TMCC1: variants seen among roughly 807,000 people sequenced by gnomAD.
TMCC1 encodes transmembrane and coiled-coil domains protein 1.
TMCC1 carries 15 observed loss-of-function variants against 52.4 expected under a neutral mutation model. The ratio of observed to expected loss-of-function variants is 0.29; its 90% CI spans 0.19 to 0.44. The LOEUF is 0.44. Among genes scored for constraint, TMCC1 ranks in the 20% least tolerant of loss-of-function variants. The pLI, the probability that TMCC1 is intolerant of heterozygous loss-of-function variation, is 1.00. For synonymous variants in TMCC1, 279 were observed against 301.9 expected (o/e 0.92, Z 0.79); for missense variants, 503 against 806.0 (o/e 0.62, Z 4.55).
In TMCC1 at chr3:129,671,115, C is replaced by T. The variant is rs1190221619; in HGVS notation, c.726G>A (p.Leu242=). ...AAIAHLQQKI[L]KLTEQIKIAQ... Reference sequence around the variant, plus strand: ...CAATCTTGATTTGTTCTGTGAGCTTCAGGATCTTCTGCTGCAGGTGAGCAA... The same window carrying T: ...CAATCTTGATTTGTTCTGTGAGCTTTAGGATCTTCTGCTGCAGGTGAGCAA... Residue 242 remains leucine (L), a synonymous_variant, in exon 5 of 7, where the codon CTG becomes CTA. Transcript: ENST00000393238. The T allele has an allele frequency of 1.9e-6, 3 of 1,614,158 alleles. No homozygotes were observed. The highest frequency in any genetic ancestry group is 1.1e-5 in the South Asian group (1 of 91,080).
At chr3:129,700,082 A>G (rs910830540) in intron 4 of TMCC1, among the ~76,000 whole-genome samples, 1 of 152,158 alleles carries the variant, frequency 6.6e-6, no homozygotes. Context: ...ATTTCATTGG[A>G]ATCTAATTTA....
chr3:129,813,139 A>G (rs565463485), intron 4 of TMCC1, among the ~76,000 whole-genome samples: 7 of 152,350 alleles, frequency 4.6e-5, no homozygotes, highest in Non-Finnish European at 1.0e-4. Flanking sequence ...CAGAATGTCT[A>G]TTATTAAAAA....
At chr3:129,855,523 G>A (rs2060112910) in intron 2 of TMCC1, among the ~76,000 whole-genome samples, 1 of 151,832 alleles carries the variant, frequency 6.6e-6, no homozygotes, top group African/African-American at 2.4e-5. Flanking sequence ...AGAAAAAGGA[G>A]AAGAAATGAG....
intron 2 of TMCC1, among the ~76,000 whole-genome samples, chr3:129,854,877 C>T (rs2060082619): frequency 6.6e-6 from 1 of 152,200 alleles, no homozygotes; most frequent in African/African-American, 2.4e-5. Flanking sequence ...CCACCAGACC[C>T]TAAGTTCCAT....
At chr3:129,769,887 GC>G (rs2054414406) in intron 4 of TMCC1, among the ~76,000 whole-genome samples, 1 of 152,146 alleles carries the variant, frequency 6.6e-6, no homozygotes, top group South Asian at 2.1e-4. Flanking sequence ...TTAATCAGAA[GC>G]CCTACTTGGA....
chr3:129,795,359 C>T (rs147420330), intron 4 of TMCC1, among the ~76,000 whole-genome samples: 113 of 152,276 alleles, frequency 7.4e-4, no homozygotes, highest in Non-Finnish European at 9.6e-4. Flanking sequence ...GTGAGGATAA[C>T]GTTTCATTTA....
At chr3:129,864,887 A>G (rs1425283054) in intron 2 of TMCC1, among the ~76,000 whole-genome samples, 1 of 152,252 alleles carries the variant, frequency 6.6e-6, no homozygotes, top group Non-Finnish European at 1.5e-5. Context: ...AACAGAGGTG[A>G]ATGGTTTTAA....
At chr3:129,840,528 G>A (rs1378712873) in intron 2 of TMCC1, among the ~76,000 whole-genome samples, 1 of 152,166 alleles carries the variant, frequency 6.6e-6, no homozygotes, top group Non-Finnish European at 1.5e-5. Flanking sequence ...AGGATAAAGA[G>A]GAGTGATCTG....
intron 4 of TMCC1, among the ~76,000 whole-genome samples, chr3:129,674,042 C>T (rs1442716578): frequency 6.6e-6 from 1 of 152,316 alleles, no homozygotes; most frequent in East Asian, 1.9e-4. Context: ...ACCTGCTGTA[C>T]AGGTTTGTAG....
chr3:129,849,583 T>C (rs2059819916), intron 2 of TMCC1, among the ~76,000 whole-genome samples: 2 of 151,422 alleles, frequency 1.3e-5, no homozygotes. Flanking sequence ...GCTAACACAG[T>C]GAAACCCCCT....
intron 4 of TMCC1, among the ~76,000 whole-genome samples, chr3:129,781,692 G>A (rs1372597064): frequency 1.3e-5 from 2 of 152,100 alleles, no homozygotes. Flanking sequence ...ACTATGTGGG[G>A]CCCTAAATAC....
At chr3:129,763,188 ACT>A (rs1281125482) in intron 4 of TMCC1, among the ~76,000 whole-genome samples, 1 of 142,870 alleles carries the variant, frequency 7.0e-6, no homozygotes, top group Admixed American at 7.1e-5. Context: ...ACAGAGCAAG[ACT>A]CTGTCTCAAA....
intron 4 of TMCC1, among the ~76,000 whole-genome samples, chr3:129,731,293 T>C (rs947122963): frequency 2.0e-5 from 3 of 152,188 alleles, no homozygotes; most frequent in Non-Finnish European, 4.4e-5. Context: ...TCTTAGCCAA[T>C]TAGGCTGGAC....
chr3:129,786,341 C>T (rs990810555), intron 4 of TMCC1, among the ~76,000 whole-genome samples: 9 of 152,104 alleles, frequency 5.9e-5, no homozygotes, highest in African/African-American at 2.2e-4. Flanking sequence ...CAATATTTTC[C>T]TCCTGTCCTT....
chr3:129,785,564 C>T (rs2055940553), intron 4 of TMCC1, among the ~76,000 whole-genome samples: 1 of 141,990 alleles, frequency 7.0e-6, no homozygotes, highest in Non-Finnish European at 1.5e-5. Context: ...TATACATACA[C>T]ACACACACAC....
rs59213877 is a variant in TMCC1 at position 129,859,651 on chromosome 3, T to TAC, written c.-184+20656_-184+20657dup. On this transcript the variant is annotated intron_variant, in intron 2 of 6. Transcript: ENST00000393238. Reference sequence around the variant, plus strand: ...AACCCTGTCTCAAAACACACACACATACACACACACACACACACACACACA... The same window carrying TAC: ...AACCCTGTCTCAAAACACACACACATACACACACACACACACACACACACACA... 4.1e-3 allele frequency among the ~76,000 whole-genome samples: 606 copies of TAC among 148,796 alleles called. 6 individuals are homozygous for TAC. The highest frequency in any genetic ancestry group is 0.014 in the African/African-American group (557 of 40,372).
intron 4 of TMCC1, among the ~76,000 whole-genome samples, chr3:129,714,698 G>A (rs1486487787): frequency 6.6e-6 from 1 of 152,130 alleles, no homozygotes; most frequent in South Asian, 2.1e-4. Flanking sequence ...ATGTGCATGA[G>A]GCACCAATGG....
chr3:129,673,496 A>C lies in TMCC1; in HGVS notation c.577-2232T>G, dbSNP rs184547890. On this transcript the variant is annotated intron_variant, in intron 4 of 6. Transcript: ENST00000393238. ...CTCTAAGCTTCTGCATGCTCTAGTT[A>C]TCTCTCTCTTAGGTTCTCTGATATT... Among the ~76,000 whole-genome samples the C allele has an allele frequency of 1.8e-3, 270 of 152,324 alleles. 1 individual carries two copies. Among genetic ancestry groups the C allele is most frequent in the Admixed American group, 4.4e-3 (68 of 15,298 alleles).
At chr3:129,856,207 T>C (rs2060139520) in intron 2 of TMCC1, among the ~76,000 whole-genome samples, 2 of 152,232 alleles carry the variant, frequency 1.3e-5, no homozygotes, top group Non-Finnish European at 2.9e-5. Flanking sequence ...TAATTTTAAG[T>C]AGCGTGTGGC....
Sources: allele counts gnomAD v4.1 joint callset (sites outside exome capture counted in the v4.1 genomes callset), GRCh38; gene constraint gnomAD v4.1.1; transcripts MANE v1.5; gene names NCBI Gene and HGNC (gene_info 2026-07-23, HGNC 2026-07-21).